Variants in CCDC149 observed in about 807,000 individuals in gnomAD.
CCDC149 encodes the protein coiled-coil domain-containing protein 149.
A neutral mutation model predicts 59.9 loss-of-function variants in CCDC149; 45 were observed. The observed-to-expected ratio is 0.75, with a 90% CI of 0.59 to 0.96. The LOEUF (loss-of-function observed/expected upper bound fraction) is 0.96, where lower values mean the gene tolerates loss of function less well. CCDC149 is among the 40% of genes least tolerant of loss of function. The pLI is 0.00. For synonymous variants in CCDC149, 245 were observed against 260.6 expected (o/e 0.94, Z 0.58); for missense variants, 584 against 664.7 (o/e 0.88, Z 1.33).
At chr4:24,843,610 T>C (rs1196587946) in intron 4 of CCDC149, among the ~76,000 whole-genome samples, 25 of 152,306 alleles carry the variant, frequency 1.6e-4, no homozygotes, top group Admixed American at 7.8e-4. Flanking sequence ...CAAAATAATT[T>C]GTCACTTAAA....
At chr4:24,832,596 G>A (rs1419845668) in intron 8 of CCDC149, among the ~76,000 whole-genome samples, 2 of 152,128 alleles carry the variant, frequency 1.3e-5, no homozygotes, top group African/African-American at 4.8e-5. Flanking sequence ...GTCATCTATG[G>A]ATGGCTCTGA....
chr4:24,847,954 AG>A (rs1717406308), intron 4 of CCDC149, among the ~76,000 whole-genome samples: 1 of 152,240 alleles, frequency 6.6e-6, no homozygotes, highest in Non-Finnish European at 1.5e-5. Context: ...TAGCTGGTTC[AG>A]GAGCACACCT....
chr4:24,913,381 C>A (rs192525748), upstream of CCDC149, among the ~76,000 whole-genome samples: 1 of 152,314 alleles, frequency 6.6e-6, no homozygotes, highest in East Asian at 1.9e-4. Context: ...CGCAGATGTG[C>A]CTTTGGCAAG....
intron 1 of CCDC149, among the ~76,000 whole-genome samples, chr4:24,978,032 C>T (rs1174405134): frequency 3.3e-5 from 5 of 152,052 alleles, no homozygotes; most frequent in Non-Finnish European, 7.4e-5. Context: ...CTCAGGAAAC[C>T]GAGGCAGAAG....
intron 12 of CCDC149, among the ~76,000 whole-genome samples, chr4:24,818,654 T>C (rs1715169605): frequency 6.6e-6 from 1 of 152,172 alleles, no homozygotes; most frequent in African/African-American, 2.4e-5. Flanking sequence ...CTCACTCCAG[T>C]GGCTGATGGC....
chr4:24,808,711 C>G lies in CCDC149; in HGVS notation c.1301G>C (p.Arg434Pro), dbSNP rs61731836. The stretch of plus-strand genomic sequence containing the variant: ...ATGAAAGAGCTTGCATTGGTTCCCG[C>G]GGCTCTGATTTGCTGGGGAGTTGAC... Residue 434 changes from arginine to proline, a missense_variant, in exon 13 of 13, where the codon CGC becomes CCC. By Grantham distance (103) the Arg-to-Pro change is moderately radical. Transcript: ENST00000635206. The G allele has an allele frequency of 3.2e-6, 5 of 1,552,188 alleles. No individual in the cohort carries two copies. The highest frequency in any genetic ancestry group is 4.4e-6 in the Non-Finnish European group (5 of 1,147,136).
At chr4:24,977,862 G>A (rs2109375006) in intron 1 of CCDC149, among the ~76,000 whole-genome samples, 2 of 152,346 alleles carry the variant, frequency 1.3e-5, no homozygotes. Context: ...GCTGGGCACA[G>A]TGGCTCATGC....
intron 1 of CCDC149, among the ~76,000 whole-genome samples, chr4:24,890,982 G>A (rs1343460842): frequency 6.6e-6 from 1 of 152,246 alleles, no homozygotes; most frequent in Non-Finnish European, 1.5e-5. Context: ...CTTGGGCCCT[G>A]AATTTCCGCC....
chr4:24,804,300 G>A (rs1257343076), downstream of CCDC149, among the ~76,000 whole-genome samples: 1 of 151,982 alleles, frequency 6.6e-6, no homozygotes, highest in Non-Finnish European at 1.5e-5. Context: ...AGACCAGCCT[G>A]GTCAACATAG....
rs191099844 is a variant in CCDC149 at position 24,818,189 on chromosome 4, T to G, written c.1192+1670A>C. On this transcript the variant is annotated intron_variant, in intron 12 of 12. Coordinates refer to ENST00000635206, the MANE Select transcript of CCDC149 (RefSeq NM_001330643.2). ...GTGAAAGGCCACATGTAGATGGAGA[T>G]GGAAGGTTGACAGTGGTTGATGGCT... Among the ~76,000 whole-genome samples, 259 of 152,032 alleles carry G rather than the reference T, an allele frequency of 1.7e-3. 3 individuals are homozygous for G. The highest frequency in any genetic ancestry group is 6.1e-3 in the African/African-American group (252 of 41,468).
At chr4:24,952,617 AAAAAAAAAAATATATATATAT>A (rs1478193030) in intron 1 of CCDC149, among the ~76,000 whole-genome samples, 3 of 40,894 alleles carry the variant, frequency 7.3e-5, no homozygotes, top group African/African-American at 2.0e-4. Context: ...AAAAAAAAAA[AAAAAAAAAAATATATATATAT>A]ATATATATAT....
chr4:24,961,653 C>T (rs1372516476), intron 1 of CCDC149, among the ~76,000 whole-genome samples: 1 of 152,150 alleles, frequency 6.6e-6, no homozygotes, highest in Non-Finnish European at 1.5e-5. Context: ...AGAAATAATG[C>T]TGCATATCTA....
chr4:24,837,362 G>A lies in CCDC149; in HGVS notation c.528C>T (p.Asp176=), dbSNP rs58692972. ...GTTCTTCTTTAACATCCTGAAGCTC[G>A]TCCACAGAAGCCTGCAGGTCGTGCT... Residue 176 remains aspartate (D), a synonymous_variant, in exon 6 of 13, where the codon GAC becomes GAT. Transcript: ENST00000635206. The surrounding 1 kb of genome is among the most constrained non-coding windows in gnomAD (Gnocchi z 4.3). 9,695 of 1,614,072 alleles carry A rather than the reference G, an allele frequency of 6.0e-3. 90 individuals carry two copies. Among genetic ancestry groups the A allele is most frequent in the Middle Eastern group, 0.025 (150 of 6,062 alleles).
At position 24,831,611 on chromosome 4, in the gene CCDC149, G is replaced by A. The variant is rs751913343; in HGVS notation, c.860C>T (p.Pro287Leu). ...GTCAGAAATGGACTGCGGAGTAGCT[G>A]GGAGGCTGCATCCATGATCCTCAGA... Residue 287 changes from proline to leucine, a missense_variant, in exon 9 of 13, where the codon CCA becomes CTA. Physicochemically the swap from Pro to Leu is moderately conservative, Grantham distance 98. Coordinates refer to ENST00000635206, the MANE Select transcript of CCDC149 (RefSeq NM_001330643.2). The A allele has an allele frequency of 1.7e-5, 28 of 1,613,838 alleles. No homozygotes were observed. Among genetic ancestry groups the A allele is most frequent in the Non-Finnish European group, 2.3e-5 (27 of 1,179,930 alleles).
At chr4:24,854,391 G>A (rs752197329) in intron 3 of CCDC149, among the ~76,000 whole-genome samples, 3 of 152,224 alleles carry the variant, frequency 2.0e-5, no homozygotes, top group African/African-American at 4.8e-5. Context: ...CTCAGGTACC[G>A]ACAAGTGTTT....
chr4:24,914,373 C>T (rs1272294039), upstream of CCDC149, among the ~76,000 whole-genome samples: 2 of 115,390 alleles, frequency 1.7e-5, no homozygotes, highest in Non-Finnish European at 3.5e-5. Flanking sequence ...AACGTTTGTA[C>T]ATGTGTTACC....
chr4:24,818,407 A>C (rs999826070), intron 12 of CCDC149, among the ~76,000 whole-genome samples: 6 of 152,182 alleles, frequency 3.9e-5, no homozygotes, highest in Non-Finnish European at 8.8e-5. Flanking sequence ...ATTTTTATGG[A>C]GGTAATGATT....
Position 24,874,248 on chromosome 4 carries a change from T to TG in CCDC149, c.226-530_226-529insC, listed in dbSNP as rs2109241153. ...ACTTCTAGTCCTATTAGATTTGTTT[T>TG]TTTTTTTTTTTGTTTTGTTTTTTTT... On this transcript the variant is annotated intron_variant, in intron 2 of 12. Coordinates refer to ENST00000635206, the MANE Select transcript of CCDC149 (RefSeq NM_001330643.2). Among the ~76,000 whole-genome samples, 4 of 88,618 alleles carry TG rather than the reference T, an allele frequency of 4.5e-5. No homozygotes were observed. The East Asian group carries it at 8.2e-4, about 18-fold the overall frequency. The allele number at this position is 88,618 out of a possible 152,430, so 58.1% of individuals were successfully genotyped here. A position where few individuals can be genotyped will look rare whatever the true frequency, so the allele number is the denominator to read the frequency against.
intron 1 of CCDC149, among the ~76,000 whole-genome samples, chr4:24,900,604 A>G (rs1029641146): frequency 2.6e-5 from 4 of 152,190 alleles, no homozygotes; most frequent in African/African-American, 9.7e-5. Context: ...TCCTTTCTCT[A>G]AGGAGCTTGT....
Sources: gnomAD v4.1 joint callset for allele counts (sites outside exome capture counted in the v4.1 genomes callset) on GRCh38, gnomAD v4.1.1 for gene constraint, Gnocchi (gnomAD v3.1) non-coding constraint, MANE v1.5 for transcripts, NCBI Gene and HGNC (gene_info 2026-07-23, HGNC 2026-07-21) for gene names.